Variants in PTPRF observed in about 807,000 individuals in gnomAD.
PTPRF encodes the protein protein tyrosine phosphatase receptor type F.
A neutral mutation model predicts 201.8 loss-of-function variants in PTPRF; 59 were observed. The ratio of observed to expected loss-of-function variants is 0.29; its 90% CI spans 0.24 to 0.36. PTPRF has a LOEUF of 0.36. PTPRF is among the 10% of genes least tolerant of loss of function. The pLI is 1.00. For missense variants in PTPRF, 2,132 were observed against 2,690.5 expected (o/e 0.79, Z 4.59); for synonymous variants, 1,088 against 1,089.7 (o/e 1.00, Z 0.03).
chr1:43,531,804 C>T (rs1278238102), intron 1 of PTPRF, among the ~76,000 whole-genome samples: 2 of 152,142 alleles, frequency 1.3e-5, no homozygotes, highest in African/African-American at 4.8e-5. Flanking sequence ...GGACCCTCTC[C>T]GAAAGTTCAC....
At chr1:43,583,638 T>A (rs933706116) in intron 7 of PTPRF, among the ~76,000 whole-genome samples, 3 of 152,078 alleles carry the variant, frequency 2.0e-5, no homozygotes, top group African/African-American at 7.3e-5. Context: ...GTGTACCCTG[T>A]CCTTGAGGCC....
At chr1:43,587,508 T>C (rs1168660035) in intron 7 of PTPRF, among the ~76,000 whole-genome samples, 1 of 152,240 alleles carries the variant, frequency 6.6e-6, no homozygotes, top group African/African-American at 2.4e-5. Flanking sequence ...CCGGGAGGTC[T>C]CTGAAGTTGC....
intron 7 of PTPRF, among the ~76,000 whole-genome samples, chr1:43,586,432 T>TCA (rs1477119686): frequency 1.3e-5 from 2 of 152,202 alleles, no homozygotes; most frequent in East Asian, 3.8e-4. Flanking sequence ...CCTCCTGCTC[T>TCA]CACCTTGGAC....
intron 5 of PTPRF, among the ~76,000 whole-genome samples, chr1:43,563,401 C>T (rs1040894093): frequency 6.6e-6 from 1 of 151,988 alleles, no homozygotes; most frequent in Non-Finnish European, 1.5e-5. Flanking sequence ...AGGGAGGTGT[C>T]AAAGAGGCCT....
At chr1:43,568,817 G>C (rs1282864551) in intron 5 of PTPRF, among the ~76,000 whole-genome samples, 2 of 152,192 alleles carry the variant, frequency 1.3e-5, no homozygotes, top group African/African-American at 4.8e-5. Context: ...CCCCTAGCAA[G>C]CTGGGAGAAG....
chr1:43,593,044 C>G (rs1016314055), intron 11 of PTPRF, among the ~76,000 whole-genome samples: 1 of 152,228 alleles, frequency 6.6e-6, no homozygotes, highest in Non-Finnish European at 1.5e-5. Context: ...CCTCATACTC[C>G]CCATGAAAGT....
chr1:43,593,586 A>G (rs2154015046), intron 11 of PTPRF, among the ~76,000 whole-genome samples: 1 of 121,946 alleles, frequency 8.2e-6, no homozygotes, highest in East Asian at 2.3e-4. Context: ...TGTGATGACC[A>G]GAAACATGGC....
chr1:43,607,599 C>G (rs1243555233), intron 21 of PTPRF, among the ~76,000 whole-genome samples: 1 of 152,226 alleles, frequency 6.6e-6, no homozygotes, highest in Non-Finnish European at 1.5e-5. Flanking sequence ...TTAACTTTGT[C>G]ACTCTCAGTT....
At position 43,592,561 on chromosome 1, in the gene PTPRF, CGTCTTCACCCCCACCATT is replaced by C. The variant is rs1651099702; in HGVS notation, c.1775_1792del (p.Val592_Ile597del). Reference sequence around the variant, plus strand: ...CTGCACGCTCGGATATGGGGGTGGGCGTCTTCACCCCCACCATTGAGGCCCGCACAGCCCAGTCCAGTA... The same window carrying C: ...CTGCACGCTCGGATATGGGGGTGGGCGAGGCCCGCACAGCCCAGTCCAGTA... On this transcript the variant is annotated inframe_deletion, in exon 11 of 34. Coordinates refer to ENST00000359947, the MANE Select transcript of PTPRF (RefSeq NM_002840.5). The C allele has an allele frequency of 6.2e-7, 1 of 1,608,180 alleles. No individual in the cohort carries two copies. The highest frequency in any genetic ancestry group is 1.3e-5 in the African/African-American group (1 of 74,448).
intron 7 of PTPRF, among the ~76,000 whole-genome samples, chr1:43,585,193 T>C (rs1648808489): frequency 6.6e-6 from 1 of 152,180 alleles, no homozygotes; most frequent in African/African-American, 2.4e-5. Context: ...TGTTCCTTTT[T>C]GGAGGCCCTG....
chr1:43,598,678 G>C, intron 12 of PTPRF, 42 bp from the exon 13 acceptor site: 1 of 1,580,154 alleles, frequency 6.3e-7, no homozygotes, highest in Non-Finnish European at 8.6e-7. Context: ...AGCTAGGGTT[G>C]ATACCTCCAG....
chr1:43,576,584 C>T (rs1388433242), intron 6 of PTPRF, among the ~76,000 whole-genome samples: 2 of 152,234 alleles, frequency 1.3e-5, no homozygotes, highest in Admixed American at 6.5e-5. Flanking sequence ...GTTAAAAGCA[C>T]AGATTCTGGA....
chr1:43,592,301 C>G (rs899597423), intron 10 of PTPRF, among the ~76,000 whole-genome samples, 156 bp from the exon 11 acceptor site: 6 of 152,146 alleles, frequency 3.9e-5, no homozygotes, highest in African/African-American at 1.4e-4. Context: ...GGGCTAAGCC[C>G]TGAGTTCCTT....
At position 43,603,367 on chromosome 1, in the gene PTPRF, C is replaced by T. The variant is rs1408119904; in HGVS notation, c.2341-49C>T. ...TCCTGAGGTCCCTGACAAGGTCTGGCCTCTCCCTGCATTCTTGTGATGGGA... is the reference window on the plus strand; with the variant it reads ...TCCTGAGGTCCCTGACAAGGTCTGGTCTCTCCCTGCATTCTTGTGATGGGA... On this transcript the variant is annotated intron_variant, in intron 14 of 33. Coordinates refer to ENST00000359947, the MANE Select transcript of PTPRF (RefSeq NM_002840.5). The surrounding 1 kb of genome is among the most constrained non-coding windows in gnomAD (Gnocchi z 5.8). The T allele has an allele frequency of 1.9e-6, 3 of 1,542,610 alleles. No individual in the cohort carries two copies. The highest frequency in any genetic ancestry group is 2.7e-6 in the Non-Finnish European group (3 of 1,115,252).
chr1:43,585,504 G>T (rs1219773977), intron 7 of PTPRF, among the ~76,000 whole-genome samples: 8 of 152,130 alleles, frequency 5.3e-5, no homozygotes, highest in Non-Finnish European at 1.2e-4. Context: ...GCCCTTGCTT[G>T]GTGTTGCAGG....
chr1:43,563,643 C>A (rs1333094139), intron 5 of PTPRF, among the ~76,000 whole-genome samples: 2 of 152,188 alleles, frequency 1.3e-5, no homozygotes, highest in Admixed American at 6.5e-5. Flanking sequence ...GGGCGGGGTG[C>A]TGCCGAGAGG....
chr1:43,561,485 G>T (rs529788224), intron 5 of PTPRF, among the ~76,000 whole-genome samples: 1 of 152,220 alleles, frequency 6.6e-6, no homozygotes, highest in African/African-American at 2.4e-5. Context: ...GTGTGTCTGG[G>T]GTAACAGTCT....
chr1:43,598,562 TCCGTGTGCCTCA>T, intron 12 of PTPRF, 146 bp from the exon 13 acceptor site: 1 of 696,104 alleles, frequency 1.4e-6, no homozygotes, highest in South Asian at 1.9e-5. Flanking sequence ...GAGGGAGCCT[TCCGTGTGCCTCA>T]CCAGGGACAG....
At chr1:43,564,741 C>G (rs940463165) in intron 5 of PTPRF, among the ~76,000 whole-genome samples, 1 of 152,076 alleles carries the variant, frequency 6.6e-6, no homozygotes, top group Non-Finnish European at 1.5e-5. Context: ...TCTGTGTGTG[C>G]GGGTGCGTGC....
Sources: gnomAD v4.1 joint callset for allele counts (sites outside exome capture counted in the v4.1 genomes callset) on GRCh38, gnomAD v4.1.1 for gene constraint, Gnocchi (gnomAD v3.1) non-coding constraint, MANE v1.5 for transcripts, NCBI Gene and HGNC (gene_info 2026-07-23, HGNC 2026-07-21) for gene names.